Variants in LPCAT1 observed in about 807,000 individuals in gnomAD.
LPCAT1 encodes 1-acylglycerol-3-phosphate O-acyltransferase.
A neutral mutation model predicts 60.9 loss-of-function variants in LPCAT1; 23 were observed. That is an observed-to-expected ratio of 0.38 (90% CI 0.27 to 0.53). LPCAT1 has a LOEUF of 0.53. Ranked by LOEUF, LPCAT1 falls within the 20% of genes least tolerant of loss-of-function variation. The pLI, the probability that LPCAT1 is intolerant of heterozygous loss-of-function variation, is 0.82. For synonymous variants in LPCAT1, 340 were observed against 301.1 expected (o/e 1.13, Z -1.34); for missense variants, 622 against 723.6 (o/e 0.86, Z 1.61).
At chr5:1,507,215 G>A (rs1368116156) in intron 1 of LPCAT1, among the ~76,000 whole-genome samples, 1 of 152,186 alleles carries the variant, frequency 6.6e-6, no homozygotes, top group Admixed American at 6.5e-5. Context: ...TGCAGACGCT[G>A]AGACCTGCAA....
chr5:1,489,945 C>T, intron 3 of LPCAT1, 87 bp from the exon 4 acceptor site: 2 of 955,580 alleles, frequency 2.1e-6, no homozygotes. Context: ...CTGCATGGCG[C>T]CCAGTGGGGC....
In LPCAT1 at chr5:1,463,680, G is replaced by A. The variant is rs140641175; in HGVS notation, c.1576C>T (p.Arg526Trp). 24 of 1,614,244 alleles carry A rather than the reference G, an allele frequency of 1.5e-5. No homozygotes were observed. In the Admixed American group the frequency reaches 1.5e-4, roughly 10 times the overall value. ...TCCAGCTTCTTGCGAACAGGCTTCC[G>A]CCCAGCGTCTGAGTTTTCCGGGCTG... is the stretch of plus-strand genomic sequence containing the variant. Reference protein sequence around the residue: ...DFSPENSDAGRKPVRKKLD With the variant: ...DFSPENSDAGWKPVRKKLD The change falls in exon 14 of 14, where the codon CGG becomes TGG. Residue 526 changes from arginine to tryptophan, a missense_variant. Arg to Trp is a moderately radical substitution (Grantham distance 101). This residue lies in a region of LPCAT1 where 288 missense variants were observed against 283.6 expected (regional missense o/e 1.02). Transcript: ENST00000283415.
intron 11 of LPCAT1, among the ~76,000 whole-genome samples, chr5:1,473,152 AG>A (rs1040520578): frequency 1.3e-5 from 2 of 152,130 alleles, no homozygotes; most frequent in Admixed American, 6.5e-5. Flanking sequence ...GGTTCCACCC[AG>A]GACTGCACTG....
rs781450480 is a variant in LPCAT1, at chr5:1,483,222, G to T, written c.726+206C>A. On this transcript the variant is annotated intron_variant, in intron 6 of 13. Transcript: ENST00000283415. This position sits in a 1 kb window ranked among gnomAD's most constrained non-coding sequence, Gnocchi z 9.2. ...CAGGGACACGTGCATAGAACAGGCC[G>T]CACTCAGGAACGTGCCGAGCCCAGG... Among the ~76,000 whole-genome samples the T allele has an allele frequency of 6.6e-6, 1 of 152,142 alleles. No individual in the cohort carries two copies. The highest frequency in any genetic ancestry group is 1.5e-5 in the Non-Finnish European group (1 of 68,020).
chr5:1,491,246 C>T (rs1187410757), intron 3 of LPCAT1, among the ~76,000 whole-genome samples: 1 of 152,108 alleles, frequency 6.6e-6, no homozygotes, highest in Non-Finnish European at 1.5e-5. Flanking sequence ...GGAGTCGTCT[C>T]GCAGGATGGC....
chr5:1,504,678 C>T (rs2927665), intron 1 of LPCAT1, among the ~76,000 whole-genome samples: 1,721 of 147,350 alleles, frequency 0.012, 11 homozygotes, highest in Non-Finnish European at 0.017. Context: ...CGCGCCATTG[C>T]GCTCTAGCCT....
intron 10 of LPCAT1, 85 bp downstream of exon 10, chr5:1,474,475 C>G: frequency 6.6e-7 from 1 of 1,512,796 alleles, no homozygotes; most frequent in Non-Finnish European, 9.0e-7. Flanking sequence ...CTCAGTTCCC[C>G]TCCCTGCAAC....
At chr5:1,465,968 C>A (rs922067909) in intron 13 of LPCAT1, among the ~76,000 whole-genome samples, 1 of 152,252 alleles carries the variant, frequency 6.6e-6, no homozygotes, top group Non-Finnish European at 1.5e-5. Context: ...TGCGCACATC[C>A]GCACTCCCGC....
intron 2 of LPCAT1, 66 bp downstream of exon 2, chr5:1,501,395 T>C (rs1400094782): frequency 2.6e-6 from 4 of 1,532,816 alleles, no homozygotes; most frequent in Non-Finnish European, 3.5e-6. Context: ...ACTGTGAGAA[T>C]GGGTTCCCAC....
intron 4 of LPCAT1, 94 bp from the exon 5 acceptor site, chr5:1,488,545 T>C: frequency 1.2e-6 from 1 of 854,362 alleles, no homozygotes. Flanking sequence ...TATTTTCTTT[T>C]CTGCTGACAT....
intron 13 of LPCAT1, among the ~76,000 whole-genome samples, chr5:1,466,186 C>T (rs1264575541): frequency 1.3e-5 from 2 of 152,206 alleles, no homozygotes; most frequent in Non-Finnish European, 2.9e-5. Flanking sequence ...GCGGATTTTG[C>T]ACAGCAATTT....
At chr5:1,520,229 C>G (rs988905477) in intron 1 of LPCAT1, among the ~76,000 whole-genome samples, 1 of 152,236 alleles carries the variant, frequency 6.6e-6, no homozygotes. Flanking sequence ...GACTCAGGAG[C>G]GAGGCTGAGA....
intron 10 of LPCAT1, 57 bp downstream of exon 10, chr5:1,474,503 A>C: frequency 6.3e-7 from 1 of 1,595,250 alleles, no homozygotes; most frequent in South Asian, 1.1e-5. Context: ...AGCCCCCGCC[A>C]GACCTCGGCA....
chr5:1,519,377 A>G (rs1481444393), intron 1 of LPCAT1, among the ~76,000 whole-genome samples: 1 of 152,286 alleles, frequency 6.6e-6, no homozygotes, highest in Non-Finnish European at 1.5e-5. Context: ...CCCAAGTTTT[A>G]GGACAGAATG....
rs1735798506 is a variant in LPCAT1, at chr5:1,496,513, T to G, written c.279-1599A>C. On this transcript the variant is annotated intron_variant, in intron 2 of 13. Coordinates refer to ENST00000283415, the MANE Select transcript of LPCAT1 (RefSeq NM_024830.5). This position sits in a 1 kb window ranked among gnomAD's most constrained non-coding sequence, Gnocchi z 4.7. ...GCAGCGGCGGAGGGAGAAGCGAGGCTGCAGAGGAGGCTGCGGCGGGCACAG... is the reference window on the plus strand; with the variant it reads ...GCAGCGGCGGAGGGAGAAGCGAGGCGGCAGAGGAGGCTGCGGCGGGCACAG... Among the ~76,000 whole-genome samples, 1 of 151,422 alleles carries G rather than the reference T, an allele frequency of 6.6e-6. No homozygotes were observed. Among genetic ancestry groups the G allele is most frequent in the East Asian group, 1.9e-4 (1 of 5,176 alleles).
chr5:1,493,943 G>A (rs953973146), intron 3 of LPCAT1, among the ~76,000 whole-genome samples: 13 of 152,262 alleles, frequency 8.5e-5, no homozygotes, highest in African/African-American at 3.1e-4. Flanking sequence ...CTTGGAGGGA[G>A]CCAGGCCAGT....
Position 1,523,726 on chromosome 5 carries a change from G to A in LPCAT1, c.119C>T (p.Ala40Val). The A allele has an allele frequency of 8.5e-7, 1 of 1,170,364 alleles. No individual in the cohort carries two copies. Among genetic ancestry groups the A allele is most frequent in the Admixed American group, 4.4e-5 (1 of 22,638 alleles). The allele number at this position is 1,170,364 out of a possible 1,614,324, so 72.5% of individuals were successfully genotyped here. A position where few individuals can be genotyped will look rare whatever the true frequency, so the allele number is the denominator to read the frequency against. The change falls in exon 1 of 14, where the codon GCC becomes GTC. Residue 40 changes from alanine to valine, a missense_variant. This residue lies in a region of LPCAT1 where 125 missense variants were observed against 114.5 expected (regional missense o/e 1.09). Transcript: ENST00000283415. This position sits in a 1 kb window ranked among gnomAD's most constrained non-coding sequence, Gnocchi z 7.1. ...GGCACCCACCTGGGCCTTCTGCAGGGCGCTGAGGCGCAGCTCGTGCACGAA... is the reference window on the plus strand; with the variant it reads ...GGCACCCACCTGGGCCTTCTGCAGGACGCTGAGGCGCAGCTCGTGCACGAA... ...NPFVHELRLS[A>V]LQKAQVALMT... is the part of the protein sequence containing the mutation.
intron 1 of LPCAT1, among the ~76,000 whole-genome samples, chr5:1,511,324 C>T (rs111467786): frequency 3.9e-5 from 6 of 152,314 alleles, no homozygotes; most frequent in Admixed American, 6.5e-5. Context: ...TCAGAGACCA[C>T]GTGGCCCCAA....
rs1314104328 is a variant in LPCAT1, at chr5:1,481,914, AC to A, written c.727-939del. On this transcript the variant is annotated intron_variant, in intron 6 of 13. Transcript: ENST00000283415. The surrounding 1 kb of genome is among the most constrained non-coding windows in gnomAD (Gnocchi z 7.8). ...TGAAGCCCGGCAGGCATCGGACGGG[AC>A]AGGCCCTGAGGCGGATGGCCCAGAA... is the stretch of plus-strand genomic sequence containing the variant. 6.6e-6 allele frequency among the ~76,000 whole-genome samples: 1 copy of A among 152,226 alleles called. No individual in the cohort carries two copies. The highest frequency in any genetic ancestry group is 1.9e-4 in the East Asian group (1 of 5,196).
Sources: allele counts gnomAD v4.1 joint callset (sites outside exome capture counted in the v4.1 genomes callset), GRCh38; gene constraint gnomAD v4.1.1; regional missense constraint gnomAD v4.1.1; non-coding constraint Gnocchi (gnomAD v3.1); transcripts MANE v1.5; gene names NCBI Gene and HGNC (gene_info 2026-07-23, HGNC 2026-07-21).